The following CPNE8 variants were observed in gnomAD, a reference collection of about 807,000 sequenced individuals.
The protein encoded by CPNE8 is copine-8.
CPNE8 carries 45 observed loss-of-function variants against 81.5 expected under a neutral mutation model. The observed-to-expected ratio is 0.55, with a 90% CI of 0.44 to 0.71. The LOEUF (loss-of-function observed/expected upper bound fraction) is 0.71. Among genes scored for constraint, CPNE8 ranks in the 30% least tolerant of loss-of-function variants. The pLI, the probability that CPNE8 is intolerant of heterozygous loss-of-function variation, is 0.00. For synonymous variants in CPNE8, 252 were observed against 226.3 expected (o/e 1.11, Z -1.02); for missense variants, 594 against 672.1 (o/e 0.88, Z 1.28).
chr12:38,660,108 A>C (rs1423534939), intron 19 of CPNE8, among the ~76,000 whole-genome samples: 2 of 152,234 alleles, frequency 1.3e-5, no homozygotes, highest in Admixed American at 6.5e-5. Flanking sequence ...GAAATGGAAA[A>C]AACTACTTTA....
At chr12:38,692,297 A>G (rs1237516663) in intron 15 of CPNE8, among the ~76,000 whole-genome samples, 1 of 152,150 alleles carries the variant, frequency 6.6e-6, no homozygotes, top group Admixed American at 6.6e-5. Flanking sequence ...TCAAAAAAAC[A>G]AAAACAAAAA....
At chr12:38,729,779 T>C (rs1940789269) in intron 11 of CPNE8, among the ~76,000 whole-genome samples, 1 of 152,046 alleles carries the variant, frequency 6.6e-6, no homozygotes, top group South Asian at 2.1e-4. Context: ...ACTGGCACAG[T>C]GGTGTTAGGC....
intron 6 of CPNE8, among the ~76,000 whole-genome samples, chr12:38,803,520 A>G (rs1451673575): frequency 2.7e-5 from 4 of 146,212 alleles, no homozygotes; most frequent in African/African-American, 1.0e-4. Flanking sequence ...GAATAATAAG[A>G]GCTATCTATG....
intron 4 of CPNE8, among the ~76,000 whole-genome samples, chr12:38,845,098 C>T (rs1943535109): frequency 6.6e-6 from 1 of 152,080 alleles, no homozygotes; most frequent in Non-Finnish European, 1.5e-5. Flanking sequence ...ACTCCAAGAA[C>T]TGTCTCACAA....
intron 10 of CPNE8, among the ~76,000 whole-genome samples, chr12:38,749,942 T>C (rs1017024260): frequency 3.6e-4 from 54 of 152,112 alleles, no homozygotes; most frequent in African/African-American, 1.2e-3. Context: ...GGAAAATGTT[T>C]CCAGGGCATA....
At chr12:38,886,835 T>C (rs1944244369) in intron 1 of CPNE8, among the ~76,000 whole-genome samples, 1 of 152,066 alleles carries the variant, frequency 6.6e-6, no homozygotes, top group Non-Finnish European at 1.5e-5. Flanking sequence ...CAAAAGAAGG[T>C]AGAGCTCAGA....
At chr12:38,886,601 C>A (rs1944240873) in intron 1 of CPNE8, among the ~76,000 whole-genome samples, 1 of 152,076 alleles carries the variant, frequency 6.6e-6, no homozygotes, top group Non-Finnish European at 1.5e-5. Flanking sequence ...ATAGTTAAGC[C>A]CTGATCTCAA....
intron 6 of CPNE8, among the ~76,000 whole-genome samples, chr12:38,798,224 A>G (rs1322382929): frequency 2.0e-5 from 3 of 152,114 alleles, no homozygotes; most frequent in African/African-American, 7.2e-5. Flanking sequence ...CCTTGAGAAG[A>G]GCAACTCCAA....
At chr12:38,764,523 A>C (rs1941640686) in intron 8 of CPNE8, among the ~76,000 whole-genome samples, 1 of 145,544 alleles carries the variant, frequency 6.9e-6, no homozygotes, top group African/African-American at 2.5e-5. Flanking sequence ...AGGCTGAGGC[A>C]GGAGAATGGC....
At chr12:38,866,135 G>A (rs182252371) in intron 3 of CPNE8, among the ~76,000 whole-genome samples, 1 of 152,238 alleles carries the variant, frequency 6.6e-6, no homozygotes, top group Non-Finnish European at 1.5e-5. Context: ...TAATGGCCAC[G>A]CATTTCATAA....
At chr12:38,726,996 T>C (rs900512757) in intron 11 of CPNE8, among the ~76,000 whole-genome samples, 1 of 152,196 alleles carries the variant, frequency 6.6e-6, no homozygotes, top group African/African-American at 2.4e-5. Flanking sequence ...AATATATAAA[T>C]ACAGTAGCAT....
At chr12:38,869,606 G>A (rs1439118925) in intron 3 of CPNE8, among the ~76,000 whole-genome samples, 2 of 152,064 alleles carry the variant, frequency 1.3e-5, no homozygotes, top group East Asian at 1.9e-4. Flanking sequence ...GTTGCTAAAT[G>A]TTCCAAAATG....
chr12:38,834,720 C>CA (rs1488226538), intron 5 of CPNE8, among the ~76,000 whole-genome samples: 1 of 151,912 alleles, frequency 6.6e-6, no homozygotes, highest in Non-Finnish European at 1.5e-5. Context: ...GATATCCATC[C>CA]AAAAAAAGAA....
intron 6 of CPNE8, among the ~76,000 whole-genome samples, chr12:38,781,739 TAA>T (rs1942057301): frequency 6.6e-6 from 1 of 152,094 alleles, no homozygotes; most frequent in African/African-American, 2.4e-5. Flanking sequence ...TCACCAGTGA[TAA>T]GTCATATTAA....
At chr12:38,790,945 G>T (rs1287110690) in intron 6 of CPNE8, among the ~76,000 whole-genome samples, 2 of 151,460 alleles carry the variant, frequency 1.3e-5, no homozygotes, top group Non-Finnish European at 3.0e-5. Flanking sequence ...CACTGCTTTA[G>T]CTTGTACCTT....
intron 3 of CPNE8, among the ~76,000 whole-genome samples, chr12:38,854,412 C>T (rs1943695979): frequency 8.8e-6 from 1 of 113,122 alleles, no homozygotes; most frequent in Non-Finnish European, 1.7e-5. Flanking sequence ...CAGTTCTGTC[C>T]CTCTAGAGAA....
intron 9 of CPNE8, 38 bp downstream of exon 9, chr12:38,762,074 A>G: frequency 9.3e-7 from 1 of 1,077,906 alleles, no homozygotes; most frequent in Non-Finnish European, 1.3e-6. Context: ...TTTTTTTAAA[A>G]GTTATTTGAA....
Position 38,734,159 on chromosome 12 carries a change from TC to T in CPNE8, c.723-3802del, listed in dbSNP as rs537909972. 2.6e-5 allele frequency among the ~76,000 whole-genome samples: 4 copies of T among 152,068 alleles called. No individual in the cohort carries two copies. In the East Asian group the frequency reaches 7.7e-4, roughly 29 times the overall value. On this transcript the variant is annotated intron_variant, in intron 10 of 19. Coordinates refer to ENST00000331366, the MANE Select transcript of CPNE8 (RefSeq NM_153634.3). ...TTTGAAGGCAAGAAAGGTATTAACT[TC>T]ATCTCAGGATTCCCAGCATCCCCCT...
chr12:38,666,934 G>A (rs1310680668), intron 19 of CPNE8, among the ~76,000 whole-genome samples: 1 of 152,048 alleles, frequency 6.6e-6, no homozygotes, highest in African/African-American at 2.4e-5. Context: ...GTTAATTAAG[G>A]ACTGAGTGAT....
Sources: gnomAD v4.1 joint callset for allele counts (sites outside exome capture counted in the v4.1 genomes callset) on GRCh38, gnomAD v4.1.1 for gene constraint, MANE v1.5 for transcripts, NCBI Gene and HGNC (gene_info 2026-07-23, HGNC 2026-07-21) for gene names.